Variants in KCND3 observed in about 807,000 individuals in gnomAD.
The protein encoded by KCND3 is A-type voltage-gated potassium channel KCND3.
Under a neutral mutation model 51.1 loss-of-function variants are expected in KCND3, and 9 were observed. The ratio of observed to expected loss-of-function variants is 0.18; its 90% CI spans 0.11 to 0.31. The LOEUF (loss-of-function observed/expected upper bound fraction) is 0.31, where lower values mean the gene tolerates loss of function less well. KCND3 is among the 10% of genes least tolerant of loss of function. KCND3 has a pLI of 1.00. For synonymous variants in KCND3, 349 were observed against 368.0 expected (o/e 0.95, Z 0.59); for missense variants, 526 against 903.8 (o/e 0.58, Z 5.36).
At position 111,957,651 on chromosome 1, in the gene KCND3, C is replaced by T. The variant is rs573714976; in HGVS notation, c.1106+23970G>A. On this transcript the variant is annotated intron_variant, in intron 2 of 7. Coordinates refer to ENST00000302127, the MANE Select transcript of KCND3 (RefSeq NM_001378969.1). ...TTTTCATCTTAAAGCACTTGGGCTC[C>T]AAAAGGAGGGCATCTGCAGAGGGCT... Among the ~76,000 whole-genome samples, 3 of 152,264 alleles carry T rather than the reference C, an allele frequency of 2.0e-5. No individual in the cohort carries two copies. In the South Asian group the frequency reaches 6.2e-4, roughly 32 times the overall value.
At chr1:111,828,663 G>A (rs1273918807) in intron 2 of KCND3, among the ~76,000 whole-genome samples, 1 of 152,142 alleles carries the variant, frequency 6.6e-6, no homozygotes, top group African/African-American at 2.4e-5. Context: ...TGCACCATAT[G>A]CCTGGTGTGC....
chr1:111,979,237 T>A (rs542947381), intron 2 of KCND3, among the ~76,000 whole-genome samples: 5 of 152,260 alleles, frequency 3.3e-5, no homozygotes, highest in Admixed American at 3.3e-4. Flanking sequence ...CCCAAGAAAG[T>A]AAAAATGAGA....
chr1:111,776,030 G>C lies in KCND3; in HGVS notation c.*47C>G, dbSNP rs747760623. ...TCAGTGACCACCCACCAACATGCCA[G>C]TCCCCTTCATTCCCCACTACCCACT... is the stretch of plus-strand genomic sequence containing the variant. On this transcript the variant is annotated 3_prime_UTR_variant, in exon 8 of 8. Transcript: ENST00000302127. 3 of 1,600,256 alleles carry C rather than the reference G, an allele frequency of 1.9e-6. No homozygotes were observed. In the Admixed American group the frequency reaches 5.0e-5, roughly 27 times the overall value.
Position 111,960,014 on chromosome 1 carries a change from C to G in KCND3, c.1106+21607G>C, listed in dbSNP as rs1377625452. ...CCCCCTTTGCTCAGCACTCACTCTT[C>G]TCTCTCCTGCCGCCATGTGGAAAAA... is the stretch of plus-strand genomic sequence containing the variant. On this transcript the variant is annotated intron_variant, in intron 2 of 7. Coordinates refer to ENST00000302127, the MANE Select transcript of KCND3 (RefSeq NM_001378969.1). Among the ~76,000 whole-genome samples the G allele has an allele frequency of 3.3e-5, 5 of 151,502 alleles. No individual in the cohort carries two copies. In the South Asian group the frequency reaches 8.4e-4, roughly 25 times the overall value.
rs945537396 is a variant in KCND3 at position 111,778,287 on chromosome 1, G to A, written c.1518+149C>T. ...GCGCAAGAAACTGGAAGCCTGAGCT[G>A]GTGCTGGGTGTGACAGCAGAGGTAG... is the stretch of plus-strand genomic sequence containing the variant. On this transcript the variant is annotated intron_variant, in intron 6 of 7. Coordinates refer to ENST00000302127, the MANE Select transcript of KCND3 (RefSeq NM_001378969.1). The A allele has an allele frequency of 3.7e-6, 3 of 800,702 alleles. No homozygotes were observed. The African/African-American group carries it at 5.1e-5, about 14-fold the overall frequency. 49.6% of individuals were successfully genotyped at this position (800,702 alleles called of 1,614,324 possible).
intron 2 of KCND3, among the ~76,000 whole-genome samples, chr1:111,866,416 C>A (rs1019812608): frequency 6.6e-6 from 1 of 151,936 alleles, no homozygotes; most frequent in African/African-American, 2.4e-5. Flanking sequence ...AGGAGTGCGC[C>A]ACCATGCCCA....
chr1:111,900,283 C>T (rs1475551821), intron 2 of KCND3, among the ~76,000 whole-genome samples: 1 of 152,174 alleles, frequency 6.6e-6, no homozygotes, highest in African/African-American at 2.4e-5. Flanking sequence ...GTATCTGAGA[C>T]TACGGTGCAG....
chr1:111,836,244 G>A (rs536028259), intron 2 of KCND3, among the ~76,000 whole-genome samples: 140 of 152,282 alleles, frequency 9.2e-4, no homozygotes, highest in African/African-American at 3.2e-3. Flanking sequence ...TCCCTGTCTG[G>A]AACTGGGCAC....
intron 2 of KCND3, among the ~76,000 whole-genome samples, chr1:111,855,408 T>C (rs1668019238): frequency 6.6e-6 from 1 of 152,146 alleles, no homozygotes; most frequent in Non-Finnish European, 1.5e-5. Context: ...CAACCCAGGG[T>C]GACTCTGATC....
chr1:111,794,103 C>G (rs1041384239), intron 2 of KCND3, among the ~76,000 whole-genome samples: 1 of 152,186 alleles, frequency 6.6e-6, no homozygotes, highest in Non-Finnish European at 1.5e-5. Flanking sequence ...TTTGGTTGCT[C>G]TCTCTCTCCC....
chr1:111,846,059 C>T (rs1466935195), intron 2 of KCND3, among the ~76,000 whole-genome samples: 1 of 152,184 alleles, frequency 6.6e-6, no homozygotes, highest in Non-Finnish European at 1.5e-5. Context: ...TCTGGCCCTG[C>T]TCCTTGCCTT....
intron 2 of KCND3, among the ~76,000 whole-genome samples, chr1:111,794,989 T>C (rs944854429): frequency 8.5e-5 from 13 of 152,160 alleles, no homozygotes; most frequent in African/African-American, 3.1e-4. Context: ...AAGCTATGGT[T>C]TCTGGGGAGC....
At chr1:111,889,237 C>T (rs896162741) in intron 2 of KCND3, among the ~76,000 whole-genome samples, 1 of 152,202 alleles carries the variant, frequency 6.6e-6, no homozygotes, top group African/African-American at 2.4e-5. Flanking sequence ...GGACAGACAC[C>T]GCAGCCTTGC....
intron 2 of KCND3, among the ~76,000 whole-genome samples, chr1:111,871,656 G>T (rs1326909529): frequency 6.6e-6 from 1 of 152,116 alleles, no homozygotes; most frequent in African/African-American, 2.4e-5. Context: ...AGTTAATTTG[G>T]GTACCACCTG....
intron 2 of KCND3, among the ~76,000 whole-genome samples, chr1:111,879,736 T>C (rs1669215208): frequency 6.6e-6 from 1 of 152,240 alleles, no homozygotes; most frequent in African/African-American, 2.4e-5. Context: ...TATGAGTGTC[T>C]CACTTATCTA....
At chr1:111,917,845 C>A (rs141411300) in intron 2 of KCND3, among the ~76,000 whole-genome samples, 2 of 152,296 alleles carry the variant, frequency 1.3e-5, no homozygotes, top group African/African-American at 4.8e-5. Flanking sequence ...CAGGACAGGT[C>A]TCAAAACAGG....
intron 1 of KCND3, among the ~76,000 whole-genome samples, chr1:111,984,414 CCTT>C (rs1353991610): frequency 6.6e-6 from 1 of 152,192 alleles, no homozygotes; most frequent in Non-Finnish European, 1.5e-5. Context: ...AGGGCTGTCA[CCTT>C]GACCATTTTT....
intron 2 of KCND3, among the ~76,000 whole-genome samples, chr1:111,914,272 T>TTA (rs1421448132): frequency 7.2e-6 from 1 of 138,766 alleles, no homozygotes; most frequent in Non-Finnish European, 1.6e-5. Context: ...GAAAAAAGAT[T>TTA]AAAAAAAAAA....
chr1:111,892,242 C>T (rs1669866087), intron 2 of KCND3, among the ~76,000 whole-genome samples: 1 of 152,186 alleles, frequency 6.6e-6, no homozygotes, highest in Non-Finnish European at 1.5e-5. Flanking sequence ...AAGCTCGCCT[C>T]AGTGCTTGTG....
Sources: allele counts gnomAD v4.1 joint callset (sites outside exome capture counted in the v4.1 genomes callset), GRCh38; gene constraint gnomAD v4.1.1; transcripts MANE v1.5; gene names NCBI Gene and HGNC (gene_info 2026-07-23, HGNC 2026-07-21).